Variants in ARHGAP42 observed in about 807,000 individuals in gnomAD.
The protein encoded by ARHGAP42 is rho GTPase-activating protein 42.
ARHGAP42 carries 63 observed loss-of-function variants against 125.0 expected under a neutral mutation model. The ratio of observed to expected loss-of-function variants is 0.50; its 90% confidence interval spans 0.41 to 0.62. The LOEUF is 0.62. Among genes scored for constraint, ARHGAP42 ranks in the 20% least tolerant of loss-of-function variants. ARHGAP42 has a pLI of 0.00. For synonymous variants in ARHGAP42, 339 were observed against 351.0 expected (o/e 0.97, Z 0.38); for missense variants, 766 against 1,024.2 (o/e 0.75, Z 3.44).
chr11:100,741,405 G>T (rs955864005), intron 1 of ARHGAP42, among the ~76,000 whole-genome samples: 1 of 152,170 alleles, frequency 6.6e-6, no homozygotes, highest in Non-Finnish European at 1.5e-5. Flanking sequence ...GTCTGTAAAG[G>T]CATGACGGTA....
intron 3 of ARHGAP42, among the ~76,000 whole-genome samples, chr11:100,799,795 T>A (rs1863808858): frequency 6.6e-6 from 1 of 152,216 alleles, no homozygotes; most frequent in South Asian, 2.1e-4. Context: ...AATGTTCTCA[T>A]AGCACTGAAG....
chr11:100,938,547 A>G (rs1867796303), intron 8 of ARHGAP42, among the ~76,000 whole-genome samples: 1 of 152,142 alleles, frequency 6.6e-6, no homozygotes, highest in Non-Finnish European at 1.5e-5. Flanking sequence ...CTTAAAACAT[A>G]CAGTTTGATA....
chr11:100,955,898 A>T (rs539204), intron 12 of ARHGAP42, among the ~76,000 whole-genome samples: 134,175 of 152,094 alleles, frequency 0.88, 59,274 homozygotes, highest in East Asian at 1. Flanking sequence ...AGTAACCCCT[A>T]CTTGGCTTTG....
intron 3 of ARHGAP42, among the ~76,000 whole-genome samples, chr11:100,802,424 C>CTTTTTTTTTT (rs777832011): frequency 1.6e-5 from 2 of 123,912 alleles, no homozygotes; most frequent in Admixed American, 8.5e-5. Context: ...TCCTTTCTTT[C>CTTTTTTTTTT]TTTTTTTTTT....
intron 2 of ARHGAP42, among the ~76,000 whole-genome samples, chr11:100,781,007 A>G (rs1389104610): frequency 2.0e-5 from 3 of 152,200 alleles, no homozygotes; most frequent in Admixed American, 6.5e-5. Flanking sequence ...AAAGAGTTCA[A>G]TAGTAATAGA....
intron 3 of ARHGAP42, among the ~76,000 whole-genome samples, chr11:100,809,743 C>T (rs1864091543): frequency 6.6e-6 from 1 of 151,948 alleles, no homozygotes; most frequent in Admixed American, 6.6e-5. Flanking sequence ...TCGCATGAGC[C>T]CAGAAGTTTG....
chr11:100,731,496 C>A (rs1008391920), intron 1 of ARHGAP42, among the ~76,000 whole-genome samples: 1 of 152,140 alleles, frequency 6.6e-6, no homozygotes, highest in Non-Finnish European at 1.5e-5. Context: ...TAAATAACTT[C>A]ATCCTAATGT....
chr11:100,704,241 A>G (rs963314191), intron 1 of ARHGAP42, among the ~76,000 whole-genome samples: 2 of 152,212 alleles, frequency 1.3e-5, no homozygotes, highest in East Asian at 1.9e-4. Flanking sequence ...TATTTAAAAG[A>G]AAAAAGAAGG....
chr11:100,934,265 A>G (rs948207527), intron 7 of ARHGAP42, among the ~76,000 whole-genome samples: 3 of 152,176 alleles, frequency 2.0e-5, no homozygotes, highest in Admixed American at 1.3e-4. Context: ...TTTAAAACAT[A>G]AGTGAGAGAT....
rs76937202 is a variant in ARHGAP42 at position 100,718,895 on chromosome 11, A to G, written c.154+31063A>G. 5.3e-5 allele frequency among the ~76,000 whole-genome samples: 8 copies of G among 152,312 alleles called. No homozygotes were observed. The East Asian group carries it at 1.5e-3, about 29-fold the overall frequency. On this transcript the variant is annotated intron_variant, in intron 1 of 23. Coordinates refer to ENST00000298815, the MANE Select transcript of ARHGAP42 (RefSeq NM_152432.4). ...CTTATTTAAATATGTATTGCATTTGATAGATTTCATATTATTTTATTCAAG... is the reference window on the plus strand; with the variant it reads ...CTTATTTAAATATGTATTGCATTTGGTAGATTTCATATTATTTTATTCAAG...
chr11:100,873,746 T>TTAC (rs760969595), intron 4 of ARHGAP42, among the ~76,000 whole-genome samples: 35 of 152,216 alleles, frequency 2.3e-4, no homozygotes, highest in Non-Finnish European at 5.0e-4. Context: ...CAGCCTCTTT[T>TTAC]TACTAATGAG....
chr11:100,930,346 C>T (rs1365944319), intron 6 of ARHGAP42, among the ~76,000 whole-genome samples: 2 of 152,264 alleles, frequency 1.3e-5, no homozygotes, highest in East Asian at 3.9e-4. Context: ...TATGTTCAAA[C>T]CGATAAAAAC....
At chr11:100,811,952 T>A (rs1451004988) in intron 3 of ARHGAP42, among the ~76,000 whole-genome samples, 1 of 152,222 alleles carries the variant, frequency 6.6e-6, no homozygotes, top group Non-Finnish European at 1.5e-5. Flanking sequence ...TAAAACAATT[T>A]TTTAATGTTA....
intron 1 of ARHGAP42, among the ~76,000 whole-genome samples, chr11:100,691,183 G>T (rs1190335721): frequency 6.6e-6 from 1 of 152,128 alleles, no homozygotes; most frequent in African/African-American, 2.4e-5. Flanking sequence ...TTAGTTAATG[G>T]TGTATGACTG....
rs1867268670 is a variant in ARHGAP42, at chr11:100,921,571, C to G, written c.564C>G (p.Val188=). 2 of 1,540,862 alleles carry G rather than the reference C, an allele frequency of 1.3e-6. No individual in the cohort carries two copies. Among genetic ancestry groups the G allele is most frequent in the Non-Finnish European group, 1.8e-6 (2 of 1,142,380 alleles). Residue 188 remains valine, a synonymous_variant, in exon 6 of 24, where the codon GTC becomes GTG. Coordinates refer to ENST00000298815, the MANE Select transcript of ARHGAP42 (RefSeq NM_152432.4). ...SLEYVFKIQE[V]QEKKKFEFVE... is the part of the protein sequence containing the mutation. ...AATATGTCTTTAAAATTCAAGAGGT[C>G]CAAGAAAAAAAGAAGTTTGAATTTG...
intron 3 of ARHGAP42, among the ~76,000 whole-genome samples, chr11:100,797,980 C>G (rs1863762294): frequency 6.6e-6 from 1 of 152,064 alleles, no homozygotes; most frequent in Non-Finnish European, 1.5e-5. Flanking sequence ...TGGAGAGGTT[C>G]AAGACTCAGT....
At chr11:100,800,785 A>C (rs569895720) in intron 3 of ARHGAP42, among the ~76,000 whole-genome samples, 1 of 152,332 alleles carries the variant, frequency 6.6e-6, no homozygotes, top group South Asian at 2.1e-4. Context: ...TAATGAAAAA[A>C]ACTATAGATA....
At chr11:100,688,124 C>CT (rs1289830262) in intron 1 of ARHGAP42, among the ~76,000 whole-genome samples, 1 of 148,244 alleles carries the variant, frequency 6.7e-6, no homozygotes, top group Non-Finnish European at 1.5e-5. Flanking sequence ...ATGTTGGGGA[C>CT]TTTAATTTTT....
chr11:100,792,144 G>GC (rs1161930486), intron 2 of ARHGAP42, among the ~76,000 whole-genome samples: 3 of 152,116 alleles, frequency 2.0e-5, no homozygotes, highest in Non-Finnish European at 4.4e-5. Flanking sequence ...GACCAAATGG[G>GC]AAGTTCTAGT....
Sources: allele counts gnomAD v4.1 joint callset (sites outside exome capture counted in the v4.1 genomes callset), GRCh38; gene constraint gnomAD v4.1.1; transcripts MANE v1.5; gene names NCBI Gene and HGNC (gene_info 2026-07-23, HGNC 2026-07-21).